Variants in CDKL5 observed in about 807,000 individuals in gnomAD.
The protein encoded by CDKL5 is cyclin dependent kinase like 5, also known as cyclin-dependent kinase-like 5.
CDKL5 carries 8 observed loss-of-function variants against 61.7 expected under a neutral mutation model. The observed-to-expected ratio is 0.13, with a 90% CI of 0.08 to 0.23. The LOEUF is 0.23. Ranked by LOEUF, CDKL5 falls within the 10% of genes least tolerant of loss-of-function variation. CDKL5 has a pLI of 1.00. For synonymous variants in CDKL5, 275 were observed against 272.3 expected, an observed-to-expected ratio of 1.01 and a Z score of -0.10; for missense variants, 440 against 734.5, an observed-to-expected ratio of 0.60 and a Z score of 4.63.
intron 1 of CDKL5, among the ~76,000 whole-genome samples, chrX:18,458,663 G>A (rs931510606): frequency 2.7e-5 from 3 of 110,413 alleles, no homozygotes; most frequent in Non-Finnish European, 1.9e-5. Context: ...GCTGCAATGA[G>A]CTGTGCATTA....
chrX:18,543,263 G>C (rs1267658327), intron 3 of CDKL5, among the ~76,000 whole-genome samples: 1 of 109,438 alleles, frequency 9.1e-6, no homozygotes, highest in Admixed American at 9.7e-5. Context: ...CCCTTTTCCT[G>C]GTCTTTTGGC....
intron 19 of CDKL5, among the ~76,000 whole-genome samples, chrX:18,645,384 A>G (rs985739238): frequency 9.0e-6 from 1 of 110,622 alleles, no homozygotes; most frequent in Non-Finnish European, 1.9e-5. Context: ...GGACTTCTGT[A>G]TGCCTCTCAG....
chrX:18,588,602 C>T (rs993503502), intron 9 of CDKL5: 3 of 132,597 alleles, frequency 2.3e-5, no homozygotes, highest in Middle Eastern at 3.4e-3. Flanking sequence ...AACATCAAAT[C>T]TTCTTTTCAA....
At chrX:18,644,124 A>G (rs774528599), downstream of CDKL5, among the ~76,000 whole-genome samples, 2 of 112,225 alleles carry the variant, frequency 1.8e-5, no homozygotes, top group African/African-American at 6.5e-5. Flanking sequence ...AGTGCATTCA[A>G]TGATCCAGTG....
rs772005287 is a variant in CDKL5 at position 18,448,878 on chromosome X, C to T, written c.-163+23183C>T. On this transcript the variant is annotated intron_variant, in intron 1 of 17. Coordinates refer to ENST00000623535, the MANE Select transcript of CDKL5 (RefSeq NM_001323289.2). ...TAAATTTATTTATTTATTTTTGAGA[C>T]GAAGTCTCACTCTGTTGCCCAGGCT... Among the ~76,000 whole-genome samples, 12 of 111,658 alleles carry T rather than the reference C, an allele frequency of 1.1e-4. No individual in the cohort carries two copies. In the South Asian group the frequency reaches 1.1e-3, roughly 10 times the overall value.
At chrX:18,549,541 G>A (rs1363327400) in intron 3 of CDKL5, among the ~76,000 whole-genome samples, 2 of 112,137 alleles carry the variant, frequency 1.8e-5, no homozygotes, top group Non-Finnish European at 3.8e-5. Flanking sequence ...CAATAAATTG[G>A]TTTTTGTCTT....
At chrX:18,588,725 CA>C (rs925828963) in intron 9 of CDKL5, 2 of 110,566 alleles carry the variant, frequency 1.8e-5, no homozygotes, top group Non-Finnish European at 3.8e-5. Flanking sequence ...CCAGCCTGGC[CA>C]ACTTTGTGAA....
At chrX:18,649,792 C>T in intron 20 of CDKL5, among the ~76,000 whole-genome samples, 1 of 112,058 alleles carries the variant, frequency 8.9e-6, no homozygotes, top group Non-Finnish European at 1.9e-5. Context: ...CCTGCGGACT[C>T]GAGGGCTCCT....
intron 3 of CDKL5, among the ~76,000 whole-genome samples, chrX:18,560,035 G>A (rs1297623394): frequency 4.6e-5 from 5 of 109,350 alleles, no homozygotes; most frequent in Non-Finnish European, 9.5e-5. Flanking sequence ...GTCTATCATT[G>A]TTGGACATTT....
rs928792399 is a variant in CDKL5, at chrX:18,632,797, A to G, written c.*4040A>G. 4 of 751,397 alleles carry G rather than the reference A, an allele frequency of 5.3e-6. No individual in the cohort carries two copies. The highest frequency in any genetic ancestry group is 6.3e-6 in the Non-Finnish European group (4 of 637,710). The allele number at this position is 751,397 out of a possible 1,213,427, so 61.9% of individuals were successfully genotyped here. A position where few individuals can be genotyped will look rare whatever the true frequency, so the allele number is the denominator to read the frequency against. On this transcript the variant is annotated 3_prime_UTR_variant, in exon 18 of 18. Coordinates refer to ENST00000623535, the MANE Select transcript of CDKL5 (RefSeq NM_001323289.2). ...TTAGTGGACTATACTAGGAAATGCT[A>G]TCCCATTTTCCCTTTCCAGCCCCTC... is the stretch of plus-strand genomic sequence containing the variant.
At chrX:18,470,022 G>A (rs1921026880) in intron 1 of CDKL5, among the ~76,000 whole-genome samples, 2 of 111,859 alleles carry the variant, frequency 1.8e-5, no homozygotes, top group African/African-American at 6.5e-5. Context: ...TTGACAGAAA[G>A]CAGAGAACAT....
intron 2 of CDKL5, among the ~76,000 whole-genome samples, chrX:18,509,197 G>GCGCACA (rs1555940193): frequency 8.7e-4 from 56 of 64,308 alleles, no homozygotes; most frequent in African/African-American, 2.0e-3. Context: ...CTCAAAACAC[G>GCGCACA]CACACACACA....
chrX:18,549,444 A>C (rs1011832595), intron 3 of CDKL5, among the ~76,000 whole-genome samples: 9 of 112,353 alleles, frequency 8.0e-5, no homozygotes, highest in Non-Finnish European at 1.5e-4. Context: ...CCATAATTTT[A>C]AACTTTGTTT....
chrX:18,440,063 TG>T, intron 1 of CDKL5, among the ~76,000 whole-genome samples: 1 of 110,761 alleles, frequency 9.0e-6, no homozygotes, highest in African/African-American at 3.3e-5. Flanking sequence ...TGCTGAAGGT[TG>T]GGGGATCTGT....
intron 1 of CDKL5, among the ~76,000 whole-genome samples, chrX:18,468,478 T>A (rs1475770620): frequency 8.9e-6 from 1 of 112,138 alleles, no homozygotes; most frequent in Non-Finnish European, 1.9e-5. Context: ...GAAATATGAG[T>A]TCTATACCAT....
chrX:18,499,361 G>GTT (rs1192828653), intron 1 of CDKL5, among the ~76,000 whole-genome samples: 27 of 83,481 alleles, frequency 3.2e-4, no homozygotes, highest in East Asian at 7.4e-4. Flanking sequence ...TTCAGTCTTT[G>GTT]TTTTTTTTTT....
chrX:18,464,741 A>G (rs2147649409), intron 1 of CDKL5, among the ~76,000 whole-genome samples: 1 of 111,655 alleles, frequency 9.0e-6, no homozygotes, highest in East Asian at 2.8e-4. Context: ...CTGGGGGTGA[A>G]AGGTGAGGTC....
chrX:18,439,044 T>TTCC (rs1569182824), intron 1 of CDKL5, among the ~76,000 whole-genome samples: 2 of 11,511 alleles, frequency 1.7e-4, no homozygotes, highest in African/African-American at 3.6e-4. Context: ...TGCCCCTTTT[T>TTCC]GCCCCCCCCC....
intron 10 of CDKL5, 24 bp downstream of exon 10, chrX:18,595,452 T>TTTA: frequency 4.1e-6 from 4 of 979,438 alleles, no homozygotes; most frequent in Non-Finnish European, 5.9e-6. Context: ...ATATTATCTC[T>TTTA]ATAAAATGTC....
Sources: gnomAD v4.1 joint callset for allele counts (sites outside exome capture counted in the v4.1 genomes callset) on GRCh38, gnomAD v4.1.1 for gene constraint, MANE v1.5 for transcripts, NCBI Gene and HGNC (gene_info 2026-07-23, HGNC 2026-07-21) for gene names.